CTU1: variants seen among roughly 807,000 people sequenced by gnomAD.
The protein encoded by CTU1 is cytosolic thiouridylase subunit 1.
CTU1 carries 15 observed loss-of-function variants against 12.9 expected under a neutral mutation model. That is an observed-to-expected ratio of 1.16 (90% CI 0.78 to 1.79). The LOEUF (loss-of-function observed/expected upper bound fraction) is 1.79. Ranked by LOEUF, CTU1 falls within the 40% of genes most tolerant of loss-of-function variation. The pLI is 0.00. For missense variants in CTU1, 553 were observed against 550.5 expected, an observed-to-expected ratio of 1.00 and a Z score of -0.05; for synonymous variants, 295 against 275.6, an observed-to-expected ratio of 1.07 and a Z score of -0.70.
chr19:51,097,695 C>T lies in CTU1; in HGVS notation c.*906G>A, dbSNP rs12974098. The T allele has an allele frequency of 3.1e-4, 3 of 9,808 alleles. No individual in the cohort carries two copies. Among genetic ancestry groups the T allele is most frequent in the South Asian group, 9.6e-3 (2 of 208 alleles). The allele number at this position is 9,808 out of a possible 1,614,324, so 0.6% of individuals were successfully genotyped here. ...CCTTGATGCGGGGGGGATGGGGGGGCGGGGGGGAAGGGGGCTGATTATATT... is the reference window on the plus strand; with the variant it reads ...CCTTGATGCGGGGGGGATGGGGGGGTGGGGGGGAAGGGGGCTGATTATATT... On this transcript the variant is annotated 3_prime_UTR_variant, in exon 3 of 3. Coordinates refer to ENST00000421832, the MANE Select transcript of CTU1 (RefSeq NM_145232.4).
In CTU1 at chr19:51,098,043, G is replaced by A. The variant is rs1364147710; in HGVS notation, c.*558C>T. ...GCTACACACGAAGCGCTGGAAGGGA[G>A]GCATCGTGACGGCGGCTGTGAATGG... On this transcript the variant is annotated 3_prime_UTR_variant, in exon 3 of 3. Coordinates refer to ENST00000421832, the MANE Select transcript of CTU1 (RefSeq NM_145232.4). This position sits in a 1 kb window ranked among gnomAD's most constrained non-coding sequence, Gnocchi z 4.3. 1 of 152,316 alleles carries A rather than the reference G, an allele frequency of 6.6e-6. No individual in the cohort carries two copies. The highest frequency in any genetic ancestry group is 1.5e-5 in the Non-Finnish European group (1 of 68,104). 9.4% of individuals were successfully genotyped at this position (152,316 alleles called of 1,614,324 possible). A position where few individuals can be genotyped will look rare whatever the true frequency, so the allele number is the denominator to read the frequency against.
At position 51,099,005 on chromosome 19, in the gene CTU1, A is replaced by G; in HGVS notation, c.643T>C (p.Phe215Leu). 1 of 1,530,552 alleles carries G rather than the reference A, an allele frequency of 6.5e-7. No homozygotes were observed. The highest frequency in any genetic ancestry group is 8.7e-7 in the Non-Finnish European group (1 of 1,144,466). The allele number at this position is 1,530,552 out of a possible 1,614,324, so 94.8% of individuals were successfully genotyped here. A position where few individuals can be genotyped will look rare whatever the true frequency, so the allele number is the denominator to read the frequency against. The change falls in exon 3 of 3, where the codon TTC (phenylalanine) becomes CTC (leucine). Residue 215 changes from phenylalanine to leucine, a missense_variant. Physicochemically the swap from Phe to Leu is conservative, Grantham distance 22. This residue lies in a region of CTU1 where 500 missense variants were observed against 458.5 expected (regional missense o/e 1.09). Coordinates refer to ENST00000421832, the MANE Select transcript of CTU1 (RefSeq NM_145232.4). The stretch of plus-strand genomic sequence containing the variant: ...AGCACCACCTCCTTCTGCGAGGCGA[A>G]CTGCAGCGGGCGGCAGCGCGGCAGG... ...GALPRCRPLQFASQKEVVLYA... is the reference protein window; with the variant it reads ...GALPRCRPLQLASQKEVVLYA...
Position 51,104,339 on chromosome 19 carries a change from G to C in CTU1, c.231C>G (p.Arg77=). The C allele has an allele frequency of 6.8e-7, 1 of 1,469,154 alleles. No homozygotes were observed. The highest frequency in any genetic ancestry group is 9.0e-7 in the Non-Finnish European group (1 of 1,115,482). The allele number at this position is 1,469,154 out of a possible 1,614,324, so 91.0% of individuals were successfully genotyped here. A position where few individuals can be genotyped will look rare whatever the true frequency, so the allele number is the denominator to read the frequency against. Residue 77 remains arginine, a synonymous_variant, in exon 2 of 3, where the codon CGC becomes CGG. Coordinates refer to ENST00000421832, the MANE Select transcript of CTU1 (RefSeq NM_145232.4). ...LAHVLRALAP[R]LGISLQLVAV... Reference sequence around the variant, plus strand: ...CCACGAGCTGCAGTGAGATGCCCAGGCGCGGCGCCAGCGCGCGCAGCACGT... The same window carrying C: ...CCACGAGCTGCAGTGAGATGCCCAGCCGCGGCGCCAGCGCGCGCAGCACGT...
chr19:51,102,491 C>A (rs2691248), intron 2 of CTU1, among the ~76,000 whole-genome samples: 122,335 of 152,170 alleles, frequency 0.8, 49,248 homozygotes, highest in East Asian at 0.88. Context: ...CACATGACAG[C>A]CTCAGAACTA....
Position 51,098,736 on chromosome 19 carries a change from G to T in CTU1, c.912C>A (p.Leu304=). The change falls in exon 3 of 3, where the codon CTC becomes CTA. Residue 304 remains leucine (L), a synonymous_variant. Coordinates refer to ENST00000421832, the MANE Select transcript of CTU1 (RefSeq NM_145232.4). The surrounding 1 kb of genome is among the most constrained non-coding windows in gnomAD (Gnocchi z 4.3). ...GCCGGCCGCGGTTCAGGCCGTCCAG[G>T]AGCGCGCAGGCCTGGCAGAGCGCGC... ...ASRALCQACA[L]LDGLNRGRPR... is the part of the protein sequence containing the mutation. The T allele has an allele frequency of 8.2e-7, 1 of 1,219,430 alleles. No homozygotes were observed. Among genetic ancestry groups the T allele is most frequent in the South Asian group, 2.4e-5 (1 of 41,628 alleles). The allele number at this position is 1,219,430 out of a possible 1,614,324, so 75.5% of individuals were successfully genotyped here.
intron 1 of CTU1, 75 bp from the exon 2 acceptor site, chr19:51,104,665 C>T: frequency 9.0e-7 from 1 of 1,115,238 alleles, no homozygotes; most frequent in Non-Finnish European, 1.1e-6. Flanking sequence ...GGGAGATTGT[C>T]TGGATTGCAC....
At chr19:51,102,770 C>A (rs2091910227) in intron 2 of CTU1, among the ~76,000 whole-genome samples, 1 of 152,236 alleles carries the variant, frequency 6.6e-6, no homozygotes, top group African/African-American at 2.4e-5. Context: ...TCCAGCCACA[C>A]TGGACTTCTT....
At chr19:51,102,812 A>G (rs971927492) in intron 2 of CTU1, among the ~76,000 whole-genome samples, 1 of 145,152 alleles carries the variant, frequency 6.9e-6, no homozygotes, top group Non-Finnish European at 1.5e-5. Flanking sequence ...TCACAGGCCA[A>G]TAACCTCTCC....
rs1377092693 is a variant in CTU1 at position 51,108,152 on chromosome 19, G to C, written c.-22+195C>G. Among the ~76,000 whole-genome samples the C allele has an allele frequency of 2.6e-5, 4 of 152,104 alleles. No individual in the cohort carries two copies. Among genetic ancestry groups the C allele is most frequent in the African/African-American group, 9.7e-5 (4 of 41,412 alleles). Reference sequence around the variant, plus strand: ...AAGCAGATGGTCTTATCCTGTCTTGGGGAAGGGAGTGGCCCGGTAAGAGAC... The same window carrying C: ...AAGCAGATGGTCTTATCCTGTCTTGCGGAAGGGAGTGGCCCGGTAAGAGAC... On this transcript the variant is annotated intron_variant, in intron 1 of 2. Transcript: ENST00000421832. The surrounding 1 kb of genome is among the most constrained non-coding windows in gnomAD (Gnocchi z 4.5).
chr19:51,098,456 T>C lies in CTU1; in HGVS notation c.*145A>G. On this transcript the variant is annotated 3_prime_UTR_variant, in exon 3 of 3. Coordinates refer to ENST00000421832, the MANE Select transcript of CTU1 (RefSeq NM_145232.4). The surrounding 1 kb of genome is among the most constrained non-coding windows in gnomAD (Gnocchi z 4.3). ...AGACCTCGAAGTCTGGGGTCCCAGC[T>C]TCTTCAGGGTTTCAGGTGAATGGGC... is the stretch of plus-strand genomic sequence containing the variant. The C allele has an allele frequency of 1.3e-6, 1 of 785,518 alleles. No homozygotes were observed. The highest frequency in any genetic ancestry group is 1.7e-6 in the Non-Finnish European group (1 of 591,176). The allele number at this position is 785,518 out of a possible 1,614,324, so 48.7% of individuals were successfully genotyped here.
chr19:51,105,298 A>C (rs12462533), intron 1 of CTU1, among the ~76,000 whole-genome samples: 37,654 of 152,080 alleles, frequency 0.25, 4,949 homozygotes, highest in Admixed American at 0.34. Flanking sequence ...TGGGCCTCCA[A>C]GATTGAACTC....
rs911806704 is a variant in CTU1, at chr19:51,098,628, G to T, written c.1020C>A (p.Pro340=). The T allele has an allele frequency of 2.3e-6, 3 of 1,307,860 alleles. No individual in the cohort carries two copies. Among genetic ancestry groups the T allele is most frequent in the African/African-American group, 1.5e-5 (1 of 64,634 alleles). 81.0% of individuals were successfully genotyped at this position (1,307,860 alleles called of 1,614,324 possible). Residue 340 remains proline (P), a synonymous_variant, in exon 3 of 3, where the codon CCC becomes CCA. Transcript: ENST00000421832. The surrounding 1 kb of genome is among the most constrained non-coding windows in gnomAD (Gnocchi z 4.3). ...PGTPGDPARP[P]ASKAVPTF Reference sequence around the variant, plus strand: ...AGAAGGTGGGGACGGCCTTGGAGGCGGGGGGCCGGGCCGGATCCCCGGGCG... The same window carrying T: ...AGAAGGTGGGGACGGCCTTGGAGGCTGGGGGCCGGGCCGGATCCCCGGGCG...
intron 1 of CTU1, 80 bp from the exon 2 acceptor site, chr19:51,104,670 T>C: frequency 9.1e-7 from 1 of 1,093,336 alleles, no homozygotes; most frequent in East Asian, 3.6e-5. Context: ...ATTGTCTGGA[T>C]TGCACCTCTG....
At chr19:51,100,934 C>CGTGCGTGT (rs374026421) in intron 2 of CTU1, among the ~76,000 whole-genome samples, 1 of 145,452 alleles carries the variant, frequency 6.9e-6, no homozygotes, top group Non-Finnish European at 1.5e-5. Flanking sequence ...TTTTATTGTG[C>CGTGCGTGT]GTGTGTGTGT....
chr19:51,098,779 C>T lies in CTU1; in HGVS notation c.869G>A (p.Cys290Tyr). Residue 290 changes from cysteine (C) to tyrosine (Y), a missense_variant, in exon 3 of 3, where the codon TGT (cysteine) becomes TAT (tyrosine). Cys to Tyr is a radical substitution (Grantham distance 194). Coordinates refer to ENST00000421832, the MANE Select transcript of CTU1 (RefSeq NM_145232.4). The surrounding 1 kb of genome is among the most constrained non-coding windows in gnomAD (Gnocchi z 4.3). ...GAGCGCGCGGCTGGCCAGCGCCCCA[C>T]AGCGGGAGCAGGCGCCGGGGCGCGG... The part of the protein sequence containing the change: ...RPPRPGACSR[C>Y]GALASRALCQ... 9.3e-7 allele frequency: 1 copy of T among 1,076,760 alleles called. No homozygotes were observed. The highest frequency in any genetic ancestry group is 1.1e-6 in the Non-Finnish European group (1 of 889,046). The allele number at this position is 1,076,760 out of a possible 1,614,324, so 66.7% of individuals were successfully genotyped here.
intron 1 of CTU1, among the ~76,000 whole-genome samples, chr19:51,107,242 T>G (rs970355187): frequency 4.6e-5 from 7 of 152,142 alleles, no homozygotes; most frequent in African/African-American, 1.7e-4. Context: ...TGGTATGATC[T>G]GGCATGTTTT....
intron 1 of CTU1, among the ~76,000 whole-genome samples, chr19:51,104,845 G>C (rs2091916589): frequency 6.6e-6 from 1 of 152,188 alleles, no homozygotes; most frequent in Admixed American, 6.5e-5. Flanking sequence ...TAAGAAGCTG[G>C]CTTCATGGGT....
At position 51,104,507 on chromosome 19, in the gene CTU1, CGAGAGCGGACGGCG is replaced by C; in HGVS notation, c.49_62del (p.Arg17GlyfsTer68). On this transcript the variant is annotated frameshift_variant, in exon 2 of 3. Transcript: ENST00000421832. LOFTEE classifies it high-confidence loss of function. ...AGCAGGCACCGCACAGCGCTTGGCC[CGAGAGCGGACGGCG>C]GAGGGCGGCGCGTGCAGCATGGCAG... 1 of 1,282,840 alleles carries C rather than the reference CGAGAGCGGACGGCG, an allele frequency of 7.8e-7. No homozygotes were observed. Among genetic ancestry groups the C allele is most frequent in the Non-Finnish European group, 9.8e-7 (1 of 1,016,864 alleles). The allele number at this position is 1,282,840 out of a possible 1,614,324, so 79.5% of individuals were successfully genotyped here.
chr19:51,104,070 A>C lies in CTU1; in HGVS notation c.500T>G (p.Ile167Ser). ...EGARRVGATH[I>S]VTGHNADDMA... ...GCCCGTACTACGCTCACCTGTCACG[A>C]TGTGCGTGGCTCCCACGCGGCGCGC... The change falls in exon 2 of 3, where the codon ATC (isoleucine) becomes AGC (serine). Residue 167 changes from isoleucine to serine, a missense_variant. Ile to Ser is a moderately radical substitution (Grantham distance 142). Transcript: ENST00000421832. 1.4e-6 allele frequency: 2 copies of C among 1,454,202 alleles called. No homozygotes were observed. Among genetic ancestry groups the C allele is most frequent in the Non-Finnish European group, 1.8e-6 (2 of 1,116,860 alleles). The allele number at this position is 1,454,202 out of a possible 1,614,324, so 90.1% of individuals were successfully genotyped here.
Sources: allele counts gnomAD v4.1 joint callset (sites outside exome capture counted in the v4.1 genomes callset), GRCh38; gene constraint gnomAD v4.1.1; regional missense constraint gnomAD v4.1.1; non-coding constraint Gnocchi (gnomAD v3.1); transcripts MANE v1.5; gene names NCBI Gene and HGNC (gene_info 2026-07-23, HGNC 2026-07-21).